UBN2: variants seen among roughly 807,000 people sequenced by gnomAD.
The protein encoded by UBN2 is ubinuclein 2.
In UBN2, 35 loss-of-function variants were observed where a neutral mutation model predicts 120.2. The observed-to-expected ratio is 0.29, with a 90% CI of 0.22 to 0.39. UBN2 has a LOEUF of 0.39. Ranked by LOEUF, UBN2 falls within the 10% of genes least tolerant of loss-of-function variation. UBN2 has a pLI of 1.00. For missense variants in UBN2, 1,693 were observed against 1,663.2 expected (o/e 1.02, Z -0.31); for synonymous variants, 661 against 648.7 (o/e 1.02, Z -0.29).
Position 139,305,590 on chromosome 7 carries a change from T to C in UBN2, c.*7754T>C, listed in dbSNP as rs1156833555. The C allele has an allele frequency of 6.6e-6, 1 of 152,256 alleles. No individual in the cohort carries two copies. The highest frequency in any genetic ancestry group is 2.4e-5 in the African/African-American group (1 of 41,476). The allele number at this position is 152,256 out of a possible 1,614,324, so 9.4% of individuals were successfully genotyped here. A position where few individuals can be genotyped will look rare whatever the true frequency, so the allele number is the denominator to read the frequency against. On this transcript the variant is annotated 3_prime_UTR_variant, in exon 18 of 18. Coordinates refer to ENST00000473989, the MANE Select transcript of UBN2 (RefSeq NM_173569.4). ...GATAGTTCTACTTTTCAGTCTTTCC[T>C]GTGTATCTCCATTTCATAGTGCGTT...
At chr7:139,311,717 A>G (rs1352226849), downstream of UBN2, among the ~76,000 whole-genome samples, 3 of 152,236 alleles carry the variant, frequency 2.0e-5, no homozygotes, top group Non-Finnish European at 2.9e-5. Flanking sequence ...AAGTGAAGCC[A>G]TAGTGTTGTT....
Position 139,271,489 on chromosome 7 carries a change from G to A in UBN2, c.1597-833G>A, listed in dbSNP as rs1039146901. On this transcript the variant is annotated intron_variant, in intron 8 of 17. Transcript: ENST00000473989. ...TAGTCCCAGCTACTCGGGTGGCTGAGGCACGATAATCACTTGAACCCAGAA... is the reference window on the plus strand; with the variant it reads ...TAGTCCCAGCTACTCGGGTGGCTGAAGCACGATAATCACTTGAACCCAGAA... 3.3e-5 allele frequency among the ~76,000 whole-genome samples: 5 copies of A among 151,988 alleles called. No homozygotes were observed. The East Asian group carries it at 7.8e-4, about 24-fold the overall frequency.
intron 1 of UBN2, among the ~76,000 whole-genome samples, chr7:139,232,517 G>T (rs1421673360): frequency 6.6e-6 from 1 of 152,196 alleles, no homozygotes; most frequent in Non-Finnish European, 1.5e-5. Flanking sequence ...ATAATTAAAG[G>T]TTTTCAGAGA....
chr7:139,266,340 A>G lies in UBN2; in HGVS notation c.1403A>G (p.Lys468Arg), dbSNP rs1391642732. The G allele has an allele frequency of 1.3e-6, 2 of 1,583,576 alleles. No individual in the cohort carries two copies. The highest frequency in any genetic ancestry group is 1.4e-5 in the African/African-American group (1 of 73,896). ...TCTTTCTTGTTTCTTTAGGCTGCCA[A>G]ACTTTTTGATGAAGAAGGAAGGAAA... ...KRIEDLRVAAKLFDEEGRKKF... is the reference protein window; with the variant it reads ...KRIEDLRVAARLFDEEGRKKF... Residue 468 changes from lysine to arginine, a missense_variant, in exon 7 of 18, where the codon AAA becomes AGA. Coordinates refer to ENST00000473989, the MANE Select transcript of UBN2 (RefSeq NM_173569.4).
chr7:139,299,263 A>G lies in UBN2; in HGVS notation c.*1427A>G, dbSNP rs947606438. The G allele has an allele frequency of 1.3e-5, 2 of 152,150 alleles. No homozygotes were observed. Among genetic ancestry groups the G allele is most frequent in the East Asian group, 3.8e-4 (2 of 5,198 alleles). 9.4% of individuals were successfully genotyped at this position (152,150 alleles called of 1,614,324 possible). A position where few individuals can be genotyped will look rare whatever the true frequency, so the allele number is the denominator to read the frequency against. On this transcript the variant is annotated 3_prime_UTR_variant, in exon 18 of 18. Coordinates refer to ENST00000473989, the MANE Select transcript of UBN2 (RefSeq NM_173569.4). ...ATATCAGAGAATGGTGTAAACTCTA[A>G]ATGGTATAAGCTTCATCCATTTATA...
intron 14 of UBN2, among the ~76,000 whole-genome samples, chr7:139,282,675 G>A (rs1259862310): frequency 6.6e-6 from 1 of 152,196 alleles, no homozygotes; most frequent in Non-Finnish European, 1.5e-5. Context: ...TTTATTCTGA[G>A]TGCAGGGGAA....
chr7:139,313,570 G>A, the UBN2 span, among the ~76,000 whole-genome samples: 1,424 of 152,070 alleles, frequency 9.4e-3, 29 homozygotes, highest in African/African-American at 0.032. Context: ...CACATTTTAC[G>A]TCTTAGAGCA....
chr7:139,270,705 A>G (rs1006437502), intron 8 of UBN2, among the ~76,000 whole-genome samples: 1 of 152,104 alleles, frequency 6.6e-6, no homozygotes, highest in Non-Finnish European at 1.5e-5. Flanking sequence ...TAATTCTTCA[A>G]AAGTAATCAT....
chr7:139,293,825 T>G lies in UBN2; in HGVS notation c.3902-64T>G, dbSNP rs1798033088. The G allele has an allele frequency of 1.4e-5, 21 of 1,501,928 alleles. No individual in the cohort carries two copies. In the South Asian group the frequency reaches 2.4e-4, roughly 17 times the overall value. The allele number at this position is 1,501,928 out of a possible 1,614,324, so 93.0% of individuals were successfully genotyped here. On this transcript the variant is annotated intron_variant, in intron 16 of 17. Transcript: ENST00000473989. ...CCTGCATTACATAAATCAGTTTTCA[T>G]TTTTGAACTAAAAGGGCTCAAATCT...
chr7:139,308,506 G>C (rs920061222), downstream of UBN2, among the ~76,000 whole-genome samples: 1 of 152,148 alleles, frequency 6.6e-6, no homozygotes. Flanking sequence ...GGAAGAAACG[G>C]GACTGGAGTA....
intron 2 of UBN2, among the ~76,000 whole-genome samples, 185 bp downstream of exon 2, chr7:139,237,282 A>G (rs909181832): frequency 6.6e-6 from 1 of 152,162 alleles, no homozygotes; most frequent in Non-Finnish European, 1.5e-5. Context: ...TAAAGTAGCC[A>G]TCATTCATTT....
At chr7:139,309,668 T>G (rs1798422549), downstream of UBN2, among the ~76,000 whole-genome samples, 1 of 152,158 alleles carries the variant, frequency 6.6e-6, no homozygotes, top group Admixed American at 6.5e-5. Context: ...GTCGGGAATT[T>G]GAGATCAGCC....
At chr7:139,274,388 T>C (rs1049048884) in intron 11 of UBN2, among the ~76,000 whole-genome samples, 9 of 152,282 alleles carry the variant, frequency 5.9e-5, no homozygotes, top group African/African-American at 1.9e-4. Context: ...AGGAGCTTTA[T>C]AGGGGTAACA....
rs1563229309 is a variant in UBN2 at position 139,293,936 on chromosome 7, C to CT, written c.3952dup (p.Ser1318PhefsTer20). 6.2e-7 allele frequency: 1 copy of CT among 1,614,152 alleles called. No homozygotes were observed. Among genetic ancestry groups the CT allele is most frequent in the East Asian group, 2.2e-5 (1 of 44,876 alleles). On this transcript the variant is annotated frameshift_variant, in exon 17 of 18. Coordinates refer to ENST00000473989, the MANE Select transcript of UBN2 (RefSeq NM_173569.4). LOFTEE classifies it high-confidence loss of function. ...AGGAGGAGCTCAGCATGCAGCAACGCTTTCCCACTCACCTCTGCCTGCACA... is the reference window on the plus strand; with the variant it reads ...AGGAGGAGCTCAGCATGCAGCAACGCTTTTCCCACTCACCTCTGCCTGCACA...
intron 3 of UBN2, among the ~76,000 whole-genome samples, chr7:139,253,045 T>C (rs1323708338): frequency 6.6e-6 from 1 of 152,146 alleles, no homozygotes; most frequent in Non-Finnish European, 1.5e-5. Context: ...TCCTGAGAGG[T>C]AAATACTAAA....
chr7:139,313,791 C>T, the UBN2 span, among the ~76,000 whole-genome samples: 72 of 151,648 alleles, frequency 4.7e-4, no homozygotes, highest in African/African-American at 1.5e-3. Context: ...TATATGCATG[C>T]GCTGAATTAG....
rs1374939743 is a variant in UBN2, at chr7:139,298,456, G to T, written c.*620G>T. On this transcript the variant is annotated 3_prime_UTR_variant, in exon 18 of 18. Coordinates refer to ENST00000473989, the MANE Select transcript of UBN2 (RefSeq NM_173569.4). The stretch of plus-strand genomic sequence containing the variant: ...AGTGGACTAAAGATCCTTCAGGAAA[G>T]TTATTTTAGCACAGTGATATATATT... 6.6e-6 allele frequency: 1 copy of T among 152,194 alleles called. No homozygotes were observed. The highest frequency in any genetic ancestry group is 6.5e-5 in the Admixed American group (1 of 15,268). 9.4% of individuals were successfully genotyped at this position (152,194 alleles called of 1,614,324 possible).
chr7:139,277,050 A>AGACC (rs1563219502), intron 12 of UBN2: 1 of 151,696 alleles, frequency 6.6e-6, no homozygotes, highest in Non-Finnish European at 1.5e-5. Flanking sequence ...GGGACAGAAC[A>AGACC]GACCTTGTTT....
In UBN2 at chr7:139,303,085, T is replaced by C. The variant is rs1798297962; in HGVS notation, c.*5249T>C. 2 of 152,230 alleles carry C rather than the reference T, an allele frequency of 1.3e-5. No individual in the cohort carries two copies. Among genetic ancestry groups the C allele is most frequent in the South Asian group, 2.1e-4 (1 of 4,836 alleles). 9.4% of individuals were successfully genotyped at this position (152,230 alleles called of 1,614,324 possible). On this transcript the variant is annotated 3_prime_UTR_variant, in exon 18 of 18. Coordinates refer to ENST00000473989, the MANE Select transcript of UBN2 (RefSeq NM_173569.4). ...GAAAATGATTTTTGAAGAAATCATATAGCTGCATATCTATCTGTTAAAAGG... is the reference window on the plus strand; with the variant it reads ...GAAAATGATTTTTGAAGAAATCATACAGCTGCATATCTATCTGTTAAAAGG...
Sources: allele counts gnomAD v4.1 joint callset (sites outside exome capture counted in the v4.1 genomes callset), GRCh38; gene constraint gnomAD v4.1.1; transcripts MANE v1.5; gene names NCBI Gene and HGNC (gene_info 2026-07-23, HGNC 2026-07-21).